ALPK1: variants seen among roughly 807,000 people sequenced by gnomAD.
ALPK1 encodes alpha kinase 1, also known as alpha-protein kinase 1.
Under a neutral mutation model 120.6 loss-of-function variants are expected in ALPK1, and 110 were observed. The observed-to-expected ratio is 0.91, with a 90% CI of 0.78 to 1.07. The LOEUF (loss-of-function observed/expected upper bound fraction) is 1.07, where lower values mean the gene tolerates loss of function less well. ALPK1 is among the 50% of genes least tolerant of loss of function. The probability of loss-of-function intolerance (pLI) is 0.00; values close to 1 mark genes in which losing one functional copy is unlikely to be tolerated. For missense variants in ALPK1, 1,498 were observed against 1,483.9 expected, an observed-to-expected ratio of 1.01 and a Z score of -0.16; for synonymous variants, 582 against 560.3, an observed-to-expected ratio of 1.04 and a Z score of -0.55.
At chr4:112,369,589 C>T (rs534764320) in intron 2 of ALPK1, among the ~76,000 whole-genome samples, 2 of 152,136 alleles carry the variant, frequency 1.3e-5, no homozygotes, top group East Asian at 3.9e-4. Flanking sequence ...GGCTGAGGCA[C>T]AAGAATCGCT....
intron 4 of ALPK1, among the ~76,000 whole-genome samples, chr4:112,410,460 C>T (rs560975891): frequency 6.6e-6 from 1 of 152,308 alleles, no homozygotes; most frequent in African/African-American, 2.4e-5. Context: ...AGCACTGTGC[C>T]TGGCACCTGG....
At chr4:112,332,526 C>T in intron 2 of ALPK1, among the ~76,000 whole-genome samples, 1 of 152,170 alleles carries the variant, frequency 6.6e-6, no homozygotes. Context: ...TGGTTGCCAT[C>T]AATTACATGG....
chr4:112,380,406 A>C (rs1731848433), intron 3 of ALPK1, among the ~76,000 whole-genome samples: 1 of 152,034 alleles, frequency 6.6e-6, no homozygotes, highest in African/African-American at 2.4e-5. Flanking sequence ...TGCTCAATGG[A>C]GATAGGGGGT....
chr4:112,319,923 C>A (rs1728793421), intron 2 of ALPK1, among the ~76,000 whole-genome samples: 1 of 152,102 alleles, frequency 6.6e-6, no homozygotes. Flanking sequence ...AATTCATTTA[C>A]CAGTTCTAGG....
Position 112,345,301 on chromosome 4 carries a change from A to T in ALPK1, c.-101+29449A>T, listed in dbSNP as rs1578483620. On this transcript the variant is annotated intron_variant, in intron 2 of 15. Coordinates refer to ENST00000650871, the MANE Select transcript of ALPK1 (RefSeq NM_025144.4). ...AAGATAATATTAAAGTTCAGCTGTG[A>T]TTTCTAAGTACATACTAACAGGACA... Among the ~76,000 whole-genome samples the T allele has an allele frequency of 4.6e-5, 7 of 152,326 alleles. 2 individuals carry two copies. The highest frequency in any genetic ancestry group is 4.6e-4 in the Admixed American group (7 of 15,294).
At position 112,371,640 on chromosome 4, in the gene ALPK1, T is replaced by C. The variant is rs143822979; in HGVS notation, c.-100-6038T>C. ...GTCCTGTTGTTTGCCTTCATACAAC[T>C]GCATGCCCTATCTCTCTTTCACATC... is the stretch of plus-strand genomic sequence containing the variant. On this transcript the variant is annotated intron_variant, in intron 2 of 15. Coordinates refer to ENST00000650871, the MANE Select transcript of ALPK1 (RefSeq NM_025144.4). Among the ~76,000 whole-genome samples, 52 of 152,374 alleles carry C rather than the reference T, an allele frequency of 3.4e-4. No individual in the cohort carries two copies. The East Asian group carries it at 0.01, about 29-fold the overall frequency.
chr4:112,412,433 C>T (rs1445450399), intron 5 of ALPK1: 2 of 461,068 alleles, frequency 4.3e-6, no homozygotes, highest in East Asian at 6.9e-5. Flanking sequence ...CTTGACTAAG[C>T]TGACAATAGA....
intron 2 of ALPK1, among the ~76,000 whole-genome samples, chr4:112,340,359 A>G (rs1339403146): frequency 6.6e-6 from 1 of 152,256 alleles, no homozygotes; most frequent in Non-Finnish European, 1.5e-5. Context: ...ACTTTATTAC[A>G]TCAGAAAAAA....
At chr4:112,297,983 A>G (rs915051571) in intron 1 of ALPK1, among the ~76,000 whole-genome samples, 2 of 152,162 alleles carry the variant, frequency 1.3e-5, no homozygotes, top group African/African-American at 4.8e-5. Flanking sequence ...CATATGGGTG[A>G]ATTGACGGGA....
rs537225057 is a variant in ALPK1 at position 112,357,786 on chromosome 4, C to T, written c.-100-19892C>T. 56 of 1,040,726 alleles carry T rather than the reference C, an allele frequency of 5.4e-5. No homozygotes were observed. The African/African-American group carries it at 7.7e-4, about 14-fold the overall frequency. 64.5% of individuals were successfully genotyped at this position (1,040,726 alleles called of 1,614,324 possible). On this transcript the variant is annotated intron_variant, in intron 2 of 15. Coordinates refer to ENST00000650871, the MANE Select transcript of ALPK1 (RefSeq NM_025144.4). ...TCGCCCGCATGGTGCCCTATGGGCT[C>T]CTGATCTTCTTCCCTTCATATCCCA...
intron 2 of ALPK1, among the ~76,000 whole-genome samples, chr4:112,377,113 T>G (rs1023645155): frequency 6.6e-6 from 1 of 152,170 alleles, no homozygotes; most frequent in South Asian, 2.1e-4. Context: ...TTTGGGAAAT[T>G]GGGTTTTCTA....
intron 2 of ALPK1, among the ~76,000 whole-genome samples, chr4:112,324,281 CAT>C (rs1334972458): frequency 6.8e-6 from 1 of 147,820 alleles, no homozygotes; most frequent in East Asian, 2.0e-4. Flanking sequence ...GAGCCGAGAT[CAT>C]GCCACTGCAC....
At chr4:112,434,110 A>G (rs896846887) in intron 11 of ALPK1, among the ~76,000 whole-genome samples, 5 of 152,254 alleles carry the variant, frequency 3.3e-5, no homozygotes, top group Non-Finnish European at 5.9e-5. Flanking sequence ...TTGGAATCAC[A>G]TTTATTACAA....
At chr4:112,359,051 G>A in intron 2 of ALPK1, 1 of 760,200 alleles carries the variant, frequency 1.3e-6, no homozygotes. Flanking sequence ...CCCAAAGGCA[G>A]CGGACACAGC....
intron 1 of ALPK1, among the ~76,000 whole-genome samples, chr4:112,314,876 C>CTTTTT (rs763492984): frequency 1.4e-4 from 14 of 99,648 alleles, no homozygotes; most frequent in Non-Finnish European, 1.5e-4. Context: ...AATCCATTGC[C>CTTTTT]TTTTTTTTTT....
At chr4:112,355,130 A>C (rs1730543280) in intron 2 of ALPK1, among the ~76,000 whole-genome samples, 1 of 152,200 alleles carries the variant, frequency 6.6e-6, no homozygotes, top group East Asian at 1.9e-4. Context: ...AATTATTCTC[A>C]GATACTTCAT....
chr4:112,344,153 A>G (rs970600577), intron 2 of ALPK1, among the ~76,000 whole-genome samples: 2 of 152,186 alleles, frequency 1.3e-5, no homozygotes, highest in Non-Finnish European at 2.9e-5. Flanking sequence ...TAATCTTTAA[A>G]CTGAAGTTTC....
intron 5 of ALPK1, among the ~76,000 whole-genome samples, chr4:112,415,853 A>G (rs942601200): frequency 1.3e-5 from 2 of 152,156 alleles, no homozygotes; most frequent in Admixed American, 6.5e-5. Flanking sequence ...AGGGTGCCCA[A>G]CTGCCAACCA....
intron 15 of ALPK1, 48 bp downstream of exon 15, chr4:112,441,153 G>T (rs1381277008): frequency 4.3e-6 from 7 of 1,613,782 alleles, no homozygotes; most frequent in Non-Finnish European, 5.9e-6. Context: ...CCTTAGTGAT[G>T]CTCTCAAATA....
Sources: allele counts gnomAD v4.1 joint callset (sites outside exome capture counted in the v4.1 genomes callset), GRCh38; gene constraint gnomAD v4.1.1; transcripts MANE v1.5; gene names NCBI Gene and HGNC (gene_info 2026-07-23, HGNC 2026-07-21).